ATP13A3: variants seen among roughly 807,000 people sequenced by gnomAD.
ATP13A3 encodes the protein ATPase 13A3.
Under a neutral mutation model 158.1 loss-of-function variants are expected in ATP13A3, and 59 were observed. That is an observed-to-expected ratio of 0.37 (90% CI 0.30 to 0.46). The LOEUF (loss-of-function observed/expected upper bound fraction) is 0.46. Among genes scored for constraint, ATP13A3 ranks in the 20% least tolerant of loss-of-function variants. ATP13A3 has a pLI of 1.00. For missense variants in ATP13A3, 1,166 were observed against 1,525.2 expected, an observed-to-expected ratio of 0.76 and a Z score of 3.92; for synonymous variants, 491 against 504.3, an observed-to-expected ratio of 0.97 and a Z score of 0.35.
chr3:194,416,651 T>TA (rs1715877652), intron 31 of ATP13A3, among the ~76,000 whole-genome samples: 1 of 152,100 alleles, frequency 6.6e-6, no homozygotes, highest in African/African-American at 2.4e-5. Context: ...CTATAACTAA[T>TA]ATATTAAGAC....
Position 194,439,095 on chromosome 3 carries a change from A to C in ATP13A3, c.1711-123T>G. On this transcript the variant is annotated intron_variant, in intron 16 of 33. Transcript: ENST00000645319. The stretch of plus-strand genomic sequence containing the variant: ...TGGCCATTTTCAATAATTAAAAAAA[A>C]TGTATGTCCAAGGAACAAATGAGCA... 5.2e-6 allele frequency: 3 copies of C among 581,506 alleles called. No individual in the cohort carries two copies. The South Asian group carries it at 7.7e-5, about 15-fold the overall frequency. The allele number at this position is 581,506 out of a possible 1,614,324, so 36.0% of individuals were successfully genotyped here. A position where few individuals can be genotyped will look rare whatever the true frequency, so the allele number is the denominator to read the frequency against.
In ATP13A3 at chr3:194,403,119, T is replaced by C. The variant is rs1714722325; in HGVS notation, c.*2800A>G. On this transcript the variant is annotated 3_prime_UTR_variant, in exon 34 of 34. Transcript: ENST00000645319. ...GAATTTTGCTCTTCACTGGATAATG[T>C]TATCTATAGCTGTTTCTGTAACAGA... The C allele has an allele frequency of 6.6e-6, 1 of 152,248 alleles. No individual in the cohort carries two copies. The highest frequency in any genetic ancestry group is 6.5e-5 in the Admixed American group (1 of 15,286). 9.4% of individuals were successfully genotyped at this position (152,248 alleles called of 1,614,324 possible). A position where few individuals can be genotyped will look rare whatever the true frequency, so the allele number is the denominator to read the frequency against.
rs1415282210 is a variant in ATP13A3 at position 194,432,906 on chromosome 3, G to A, written c.2245+866C>T. On this transcript the variant is annotated intron_variant, in intron 21 of 33. Transcript: ENST00000645319. ...TATTATCAACAGTATAGTAACATCA[G>A]GAGAATCCCTTAGATGTACTAGAAA... is the stretch of plus-strand genomic sequence containing the variant. Among the ~76,000 whole-genome samples the A allele has an allele frequency of 2.6e-5, 4 of 152,018 alleles. No homozygotes were observed. The East Asian group carries it at 7.7e-4, about 29-fold the overall frequency.
chr3:194,406,836 C>G (rs1170143153), intron 33 of ATP13A3, among the ~76,000 whole-genome samples: 1 of 152,126 alleles, frequency 6.6e-6, no homozygotes, highest in Admixed American at 6.5e-5. Context: ...CTTTTAAAAC[C>G]TCATCCTTAC....
chr3:194,425,432 T>C lies in ATP13A3; in HGVS notation c.3223A>G (p.Thr1075Ala). ...TGAAAACTGGAAATAAAAAACACTG[T>C]GGTATTTTCATAATTTTGTATATTA... is the stretch of plus-strand genomic sequence containing the variant. ...EHNIQNYENT[T>A]VFFISSFQYL... The change falls in exon 30 of 34, where the codon ACA (threonine) becomes GCA (alanine). Residue 1075 changes from threonine (T) to alanine (A), a missense_variant. By Grantham distance (58) the Thr-to-Ala change is moderately conservative. Around this residue, in one of 3 missense-constraint regions of ATP13A3, gnomAD observed 997 missense variants for 1,341.2 expected, o/e 0.74. Coordinates refer to ENST00000645319, the MANE Select transcript of ATP13A3 (RefSeq NM_001367549.1). 1 of 1,613,242 alleles carries C rather than the reference T, an allele frequency of 6.2e-7. No homozygotes were observed. Among genetic ancestry groups the C allele is most frequent in the Non-Finnish European group, 8.5e-7 (1 of 1,179,226 alleles).
chr3:194,435,801 G>A (rs1037090826), intron 20 of ATP13A3, among the ~76,000 whole-genome samples: 2 of 152,200 alleles, frequency 1.3e-5, no homozygotes, highest in African/African-American at 4.8e-5. Flanking sequence ...CAGCTACTCA[G>A]GAGGCTGAGG....
chr3:194,450,787 A>G (rs572949046), intron 10 of ATP13A3: 2 of 152,634 alleles, frequency 1.3e-5, no homozygotes, highest in East Asian at 1.9e-4. Context: ...TTCCTAAATT[A>G]CTCTTTTTAG....
intron 31 of ATP13A3, 164 bp downstream of exon 31, chr3:194,419,715 G>A (rs1716152900): frequency 1.1e-6 from 1 of 888,060 alleles, no homozygotes; most frequent in African/African-American, 1.8e-5. Flanking sequence ...AACAGGTATA[G>A]CTAAGAAAAG....
upstream of ATP13A3, among the ~76,000 whole-genome samples, chr3:194,490,906 G>A (rs1466537621): frequency 6.6e-6 from 1 of 152,212 alleles, no homozygotes; most frequent in Non-Finnish European, 1.5e-5. This position sits in a 1 kb window ranked among gnomAD's most constrained non-coding sequence, Gnocchi z 4.4. Flanking sequence ...AGCAATTTGG[G>A]AGGCCGAGGC....
At position 194,472,982 on chromosome 3, in the gene ATP13A3, T is replaced by C. The variant is rs531323289; in HGVS notation, c.-46-10746A>G. Among the ~76,000 whole-genome samples the C allele has an allele frequency of 1.3e-4, 20 of 152,120 alleles. No individual in the cohort carries two copies. In the East Asian group the frequency reaches 3.5e-3, roughly 26 times the overall value. On this transcript the variant is annotated intron_variant, in intron 2 of 33. Coordinates refer to ENST00000645319, the MANE Select transcript of ATP13A3 (RefSeq NM_001367549.1). ...ACATAGACATAAAGATGGGGAACAA[T>C]GGACACTGGCAATGACTAGATGAAG...
chr3:194,437,010 C>G (rs1717691104), intron 20 of ATP13A3, 85 bp downstream of exon 20: 1 of 1,431,198 alleles, frequency 7.0e-7, no homozygotes, highest in Non-Finnish European at 9.6e-7. Context: ...TCAATAAATA[C>G]TCAATTACAT....
chr3:194,455,221 G>C (rs1194971633), intron 8 of ATP13A3, among the ~76,000 whole-genome samples: 1 of 152,038 alleles, frequency 6.6e-6, no homozygotes, highest in Non-Finnish European at 1.5e-5. Flanking sequence ...ATTAAATCCT[G>C]AATGAAAAAG....
At chr3:194,463,939 C>A (rs1338086984) in intron 2 of ATP13A3, among the ~76,000 whole-genome samples, 1 of 152,216 alleles carries the variant, frequency 6.6e-6, no homozygotes, top group African/African-American at 2.4e-5. Flanking sequence ...GCAGGCAGAT[C>A]ACCTGAGGTC....
rs538099067 is a variant in ATP13A3, at chr3:194,417,367, C to T, written c.3402+2512G>A. On this transcript the variant is annotated intron_variant, in intron 31 of 33. Coordinates refer to ENST00000645319, the MANE Select transcript of ATP13A3 (RefSeq NM_001367549.1). ...GAGACAAAGCTTGCAGTGGGCTGCA[C>T]TCCAGCCTGGGTACCAGAGCCAGAT... Among the ~76,000 whole-genome samples, 108 of 148,984 alleles carry T rather than the reference C, an allele frequency of 7.2e-4. 1 individual carries two copies. Among genetic ancestry groups the T allele is most frequent in the African/African-American group, 2.6e-3 (104 of 40,474 alleles).
chr3:194,414,400 C>G (rs1715660733), intron 31 of ATP13A3, among the ~76,000 whole-genome samples: 1 of 150,406 alleles, frequency 6.6e-6, no homozygotes, highest in Non-Finnish European at 1.5e-5. Flanking sequence ...GAAGTGGAGG[C>G]TGCAGTGAGC....
At chr3:194,478,364 A>G (rs1720612527) in intron 2 of ATP13A3, among the ~76,000 whole-genome samples, 1 of 151,958 alleles carries the variant, frequency 6.6e-6, no homozygotes. Flanking sequence ...AGAACCAAGA[A>G]CAGAAAAGAC....
intron 31 of ATP13A3, among the ~76,000 whole-genome samples, chr3:194,418,191 A>G (rs904450241): frequency 2.0e-5 from 3 of 152,246 alleles, no homozygotes; most frequent in African/African-American, 7.2e-5. Flanking sequence ...CAAAAGCTAT[A>G]CATAAAATTA....
At chr3:194,450,691 A>G (rs1467768177) in intron 10 of ATP13A3, 1 of 160,632 alleles carries the variant, frequency 6.2e-6, no homozygotes, top group African/African-American at 2.4e-5. Context: ...TAGAAAACTT[A>G]GCATCTTTTC....
In ATP13A3 at chr3:194,403,832, C is replaced by T. The variant is rs1714762427; in HGVS notation, c.*2087G>A. ...AATCTAACTTCCTACAAATGCTTTT[C>T]CAGCCACCTAAACACCTCATTCCTT... On this transcript the variant is annotated 3_prime_UTR_variant, in exon 34 of 34. Coordinates refer to ENST00000645319, the MANE Select transcript of ATP13A3 (RefSeq NM_001367549.1). 1 of 231,990 alleles carries T rather than the reference C, an allele frequency of 4.3e-6. No homozygotes were observed. The highest frequency in any genetic ancestry group is 8.6e-6 in the Non-Finnish European group (1 of 116,406). 14.4% of individuals were successfully genotyped at this position (231,990 alleles called of 1,614,324 possible).
Sources: gnomAD v4.1 joint callset for allele counts (sites outside exome capture counted in the v4.1 genomes callset) on GRCh38, gnomAD v4.1.1 for gene constraint, gnomAD v4.1.1 regional missense constraint, Gnocchi (gnomAD v3.1) non-coding constraint, MANE v1.5 for transcripts, NCBI Gene and HGNC (gene_info 2026-07-23, HGNC 2026-07-21) for gene names.